The following PLCB1 variants were observed in gnomAD, a reference collection of about 807,000 sequenced individuals.
PLCB1 encodes 1-phosphatidylinositol 4,5-bisphosphate phosphodiesterase beta-1.
Under a neutral mutation model 161.8 loss-of-function variants are expected in PLCB1, and 46 were observed. The ratio of observed to expected loss-of-function variants is 0.28; its 90% CI spans 0.22 to 0.36. The LOEUF (loss-of-function observed/expected upper bound fraction) is 0.36, where lower values mean the gene tolerates loss of function less well. Ranked by LOEUF, PLCB1 falls within the 10% of genes least tolerant of loss-of-function variation. PLCB1 has a pLI of 1.00. For synonymous variants in PLCB1, 517 were observed against 503.7 expected, an observed-to-expected ratio of 1.03 and a Z score of -0.35; for missense variants, 1,016 against 1,472.5, an observed-to-expected ratio of 0.69 and a Z score of 5.07.
chr20:8,707,673 G>T (rs1165022845), intron 11 of PLCB1, among the ~76,000 whole-genome samples: 1 of 152,028 alleles, frequency 6.6e-6, no homozygotes, highest in African/African-American at 2.4e-5. Context: ...AATCAATCAA[G>T]ATATTAGGGA....
chr20:8,644,520 G>A (rs1255771627), intron 4 of PLCB1, among the ~76,000 whole-genome samples: 1 of 146,192 alleles, frequency 6.8e-6, no homozygotes, highest in Non-Finnish European at 1.5e-5. Flanking sequence ...GTCTCTGCCC[G>A]GCCGCCCCGT....
chr20:8,522,918 G>A, intron 3 of PLCB1, among the ~76,000 whole-genome samples: 1 of 152,110 alleles, frequency 6.6e-6, no homozygotes, highest in East Asian at 1.9e-4. Flanking sequence ...TCTCAAATAA[G>A]GAAATCTTAA....
At chr20:8,281,194 T>G (rs1372825194) in intron 2 of PLCB1, among the ~76,000 whole-genome samples, 2 of 152,246 alleles carry the variant, frequency 1.3e-5, no homozygotes, top group Non-Finnish European at 2.9e-5. Context: ...AATGTCATGT[T>G]GGGCATCTAT....
At chr20:8,240,061 A>G (rs1980520767) in intron 2 of PLCB1, among the ~76,000 whole-genome samples, 1 of 152,020 alleles carries the variant, frequency 6.6e-6, no homozygotes. Flanking sequence ...TATTAAACAT[A>G]GAACTGGGAA....
chr20:8,235,339 T>TA (rs1381233099), intron 2 of PLCB1, among the ~76,000 whole-genome samples: 3 of 152,130 alleles, frequency 2.0e-5, no homozygotes, highest in Admixed American at 2.0e-4. Flanking sequence ...AGCAGTATAA[T>TA]AAAAATACCA....
intron 2 of PLCB1, among the ~76,000 whole-genome samples, chr20:8,298,860 G>T (rs1983757890): frequency 6.6e-6 from 1 of 152,082 alleles, no homozygotes; most frequent in Non-Finnish European, 1.5e-5. Flanking sequence ...ACAGATGTGT[G>T]GGGCATGTGT....
intron 9 of PLCB1, 59 bp from the exon 10 acceptor site, chr20:8,684,872 AG>A (rs1237896294): frequency 5.6e-6 from 7 of 1,248,068 alleles, no homozygotes; most frequent in Non-Finnish European, 7.9e-6. Context: ...AAAAAAAAAG[AG>A]GCGACTTGAC....
At chr20:8,240,692 G>T (rs949972099) in intron 2 of PLCB1, among the ~76,000 whole-genome samples, 1 of 151,894 alleles carries the variant, frequency 6.6e-6, no homozygotes, top group African/African-American at 2.4e-5. Flanking sequence ...TTTAATTTTA[G>T]AAATTAAGAA....
intron 3 of PLCB1, among the ~76,000 whole-genome samples, chr20:8,557,616 G>A (rs1395284312): frequency 6.6e-6 from 1 of 151,970 alleles, no homozygotes; most frequent in Non-Finnish European, 1.5e-5. Context: ...GAAGATGGAT[G>A]GTGGTTGGTG....
At chr20:8,605,797 A>T (rs1987740571) in intron 3 of PLCB1, among the ~76,000 whole-genome samples, 1 of 151,422 alleles carries the variant, frequency 6.6e-6, no homozygotes, top group Admixed American at 6.6e-5. Flanking sequence ...CTCTCCTCTC[A>T]TCCTCCCCAC....
chr20:8,423,798 T>G (rs1979635543), intron 3 of PLCB1, among the ~76,000 whole-genome samples: 2 of 152,148 alleles, frequency 1.3e-5, no homozygotes, highest in Non-Finnish European at 2.9e-5. Flanking sequence ...ATGCTCTATT[T>G]CCATTAATCT....
chr20:8,615,406 C>T (rs1023135636), intron 3 of PLCB1, among the ~76,000 whole-genome samples: 7 of 152,120 alleles, frequency 4.6e-5, no homozygotes, highest in Non-Finnish European at 1.0e-4. Context: ...CTATTCAAAA[C>T]CACCTTCACA....
intron 2 of PLCB1, among the ~76,000 whole-genome samples, chr20:8,232,566 G>A (rs939622609): frequency 2.6e-5 from 4 of 152,158 alleles, no homozygotes; most frequent in African/African-American, 9.7e-5. Context: ...ATCCAGGCCT[G>A]CAACAGCTTT....
At chr20:8,561,407 C>T (rs948451993) in intron 3 of PLCB1, among the ~76,000 whole-genome samples, 11 of 151,924 alleles carry the variant, frequency 7.2e-5, no homozygotes, top group Middle Eastern at 3.4e-3. Flanking sequence ...CTAAGATAGT[C>T]GGGATATGAG....
At chr20:8,238,509 A>G (rs1437568433) in intron 2 of PLCB1, among the ~76,000 whole-genome samples, 2 of 151,912 alleles carry the variant, frequency 1.3e-5, no homozygotes, top group African/African-American at 2.4e-5. Context: ...CCATCTCTCT[A>G]TCATGCCAGA....
At chr20:8,135,392 A>T (rs1176797828) in intron 1 of PLCB1, among the ~76,000 whole-genome samples, 1 of 152,202 alleles carries the variant, frequency 6.6e-6, no homozygotes, top group Non-Finnish European at 1.5e-5. Flanking sequence ...GGAATGGAAG[A>T]TGTCACCCAG....
At chr20:8,593,472 G>A (rs1428671547) in intron 3 of PLCB1, among the ~76,000 whole-genome samples, 1 of 152,084 alleles carries the variant, frequency 6.6e-6, no homozygotes, top group African/African-American at 2.4e-5. Context: ...GGGATTACAA[G>A]TGTGAGCCAC....
At chr20:8,334,121 A>G (rs909452530) in intron 2 of PLCB1, among the ~76,000 whole-genome samples, 22 of 152,056 alleles carry the variant, frequency 1.4e-4, no homozygotes, top group African/African-American at 4.8e-4. Flanking sequence ...AGGCAGGAGA[A>G]TTGCTTGAAC....
intron 2 of PLCB1, among the ~76,000 whole-genome samples, chr20:8,183,962 C>T (rs1450815207): frequency 6.6e-6 from 1 of 152,008 alleles, no homozygotes; most frequent in Non-Finnish European, 1.5e-5. Context: ...CTGCATTCTT[C>T]CATCTTGAAA....
Sources: allele counts gnomAD v4.1 joint callset (sites outside exome capture counted in the v4.1 genomes callset), GRCh38; gene constraint gnomAD v4.1.1; transcripts MANE v1.5; gene names NCBI Gene and HGNC (gene_info 2026-07-23, HGNC 2026-07-21).